Variants in SHISAL2A observed in about 807,000 individuals in gnomAD.
The protein encoded by SHISAL2A is protein shisa-like-2A.
A neutral mutation model predicts 11.5 loss-of-function variants in SHISAL2A; 18 were observed. The observed-to-expected ratio is 1.57, with a 90% CI of 1.08 to 2.33. The LOEUF (loss-of-function observed/expected upper bound fraction) is 2.33. Among genes scored for constraint, SHISAL2A ranks in the 30% most tolerant of loss-of-function variants. The pLI is 0.00. For missense variants in SHISAL2A, 261 were observed against 250.9 expected, an observed-to-expected ratio of 1.04 and a Z score of -0.27; for synonymous variants, 94 against 99.6, an observed-to-expected ratio of 0.94 and a Z score of 0.34.
intron 2 of SHISAL2A, among the ~76,000 whole-genome samples, chr1:52,643,552 T>C (rs535186022): frequency 6.6e-6 from 1 of 152,224 alleles, no homozygotes; most frequent in South Asian, 2.1e-4. Flanking sequence ...TGAAAGATAT[T>C]ATGAAAGATA....
At chr1:52,648,008 C>G (rs557933315) in intron 2 of SHISAL2A, among the ~76,000 whole-genome samples, 2 of 148,748 alleles carry the variant, frequency 1.3e-5, no homozygotes, top group Admixed American at 1.3e-4. Flanking sequence ...TGCATTGGTA[C>G]GACCACTTTA....
chr1:52,660,311 C>T (rs683661), downstream of SHISAL2A, among the ~76,000 whole-genome samples: 70,395 of 151,784 alleles, frequency 0.46, 17,141 homozygotes, highest in African/African-American at 0.59. Context: ...CTCATAAAGC[C>T]CCTCCCTGCC....
Position 52,642,926 on chromosome 1 carries a change from C to T in SHISAL2A, c.246C>T (p.Ala82=). The T allele has an allele frequency of 6.2e-7, 1 of 1,614,104 alleles. No individual in the cohort carries two copies. Among genetic ancestry groups the T allele is most frequent in the Non-Finnish European group, 8.5e-7 (1 of 1,180,008 alleles). Residue 82 remains alanine, a synonymous_variant, in exon 2 of 3, where the codon GCC becomes GCT. Coordinates refer to ENST00000517870, the MANE Select transcript of SHISAL2A (RefSeq NM_001042693.3). The part of the protein sequence containing the change: ...AVVLLAFIVT[A]CVLCYLFISS... ...TTCTTCTCGCCTTCATTGTTACCGC[C>T]TGTGTGCTCTGCTACCTGTTCATCA...
At chr1:52,646,875 G>C (rs1458460941) in intron 2 of SHISAL2A, among the ~76,000 whole-genome samples, 1 of 152,044 alleles carries the variant, frequency 6.6e-6, no homozygotes, top group Non-Finnish European at 1.5e-5. Context: ...TGTCGCCCAG[G>C]CTAGAGTGCG....
downstream of SHISAL2A, chr1:52,657,179 C>G: frequency 1.7e-6 from 2 of 1,191,402 alleles, no homozygotes; most frequent in South Asian, 1.6e-5. Flanking sequence ...GTGGACCCTG[C>G]CATACTGTTC....
At chr1:52,662,641 G>A (rs909317340) in intron 4 of SHISAL2A, among the ~76,000 whole-genome samples, 1 of 151,062 alleles carries the variant, frequency 6.6e-6, no homozygotes, top group Non-Finnish European at 1.5e-5. Context: ...GTGAGGTACC[G>A]CCCCCCCACC....
chr1:52,633,562 G>A lies in SHISAL2A; in HGVS notation c.69G>A (p.Arg23=). The change falls in exon 1 of 3, where the codon CGG becomes CGA. Residue 23 remains arginine (R), a synonymous_variant. Coordinates refer to ENST00000517870, the MANE Select transcript of SHISAL2A (RefSeq NM_001042693.3). This position sits in a 1 kb window ranked among gnomAD's most constrained non-coding sequence, Gnocchi z 6.4. ...QEVVRGFSCP[R]PGGEAAAVFC... is the part of the protein sequence containing the mutation. ...TGGTGCGCGGCTTCAGCTGCCCGCG[G>A]CCGGGGGGCGAGGCGGCCGCTGTCT... The A allele has an allele frequency of 2.5e-6, 4 of 1,610,644 alleles. No individual in the cohort carries two copies. Among genetic ancestry groups the A allele is most frequent in the Non-Finnish European group, 2.5e-6 (3 of 1,178,734 alleles).
downstream of SHISAL2A, among the ~76,000 whole-genome samples, chr1:52,657,708 A>G (rs1341545658): frequency 6.6e-6 from 1 of 152,214 alleles, no homozygotes; most frequent in East Asian, 1.9e-4. Flanking sequence ...TTTAAAAATT[A>G]GCCACATGTG....
chr1:52,633,677 T>A lies in SHISAL2A; in HGVS notation c.182+2T>A. Reference sequence around the variant, plus strand: ...GCACAGCTACATGTGGTGGCTCAGGTACCGTCCCTGGCCCTCACCCTACCT... The same window carrying A: ...GCACAGCTACATGTGGTGGCTCAGGAACCGTCCCTGGCCCTCACCCTACCT... On this transcript the variant is annotated splice_donor_variant, in intron 1 of 2. Transcript: ENST00000517870. LOFTEE classifies it high-confidence loss of function. This position sits in a 1 kb window ranked among gnomAD's most constrained non-coding sequence, Gnocchi z 6.4. 1 of 1,602,006 alleles carries A rather than the reference T, an allele frequency of 6.2e-7. No individual in the cohort carries two copies. The highest frequency in any genetic ancestry group is 8.5e-7 in the Non-Finnish European group (1 of 1,174,496).
At chr1:52,660,162 C>G (rs1001713082), downstream of SHISAL2A, among the ~76,000 whole-genome samples, 1 of 152,160 alleles carries the variant, frequency 6.6e-6, no homozygotes, top group Non-Finnish European at 1.5e-5. Flanking sequence ...AGAACAAAAA[C>G]AAGCTTTGAG....
chr1:52,634,045 AATC>A (rs1691190173), intron 1 of SHISAL2A, among the ~76,000 whole-genome samples: 1 of 151,874 alleles, frequency 6.6e-6, no homozygotes, highest in African/African-American at 2.4e-5. Context: ...ACTCCACCCC[AATC>A]ATCATCCCAC....
At chr1:52,646,492 T>TATACACACAC (rs371842968) in intron 2 of SHISAL2A, among the ~76,000 whole-genome samples, 13 of 145,254 alleles carry the variant, frequency 8.9e-5, no homozygotes, top group Admixed American at 8.3e-4. Context: ...TAAATATCTA[T>TATACACACAC]ACACACACAC....
intron 4 of SHISAL2A, among the ~76,000 whole-genome samples, chr1:52,666,227 G>A (rs1356607804): frequency 6.6e-6 from 1 of 152,088 alleles, no homozygotes; most frequent in East Asian, 1.9e-4. Flanking sequence ...TGAGACGGGG[G>A]GATCACTTGA....
intron 2 of SHISAL2A, among the ~76,000 whole-genome samples, chr1:52,652,965 C>CAA (rs36154490): frequency 0.043 from 956 of 22,406 alleles, 237 homozygotes; most frequent in African/African-American, 0.13. Context: ...GACTCTGTCT[C>CAA]AAAAAAAAAA....
At chr1:52,638,653 G>C (rs1691291141) in intron 1 of SHISAL2A, among the ~76,000 whole-genome samples, 1 of 152,164 alleles carries the variant, frequency 6.6e-6, no homozygotes. Flanking sequence ...AGCCAACAAT[G>C]GGTGTATTAC....
At chr1:52,650,289 G>A (rs1167600473) in intron 2 of SHISAL2A, among the ~76,000 whole-genome samples, 1 of 152,220 alleles carries the variant, frequency 6.6e-6, no homozygotes, top group East Asian at 1.9e-4. Context: ...GTTCAGGGTT[G>A]AGAACCCCAG....
intron 2 of SHISAL2A, 117 bp from the exon 3 acceptor site, chr1:52,656,673 C>A: frequency 9.2e-7 from 1 of 1,081,856 alleles, no homozygotes; most frequent in South Asian, 1.5e-5. Flanking sequence ...ACAAATGATG[C>A]TTCTAAGGCT....
At chr1:52,635,629 AC>A (rs1007127914) in intron 1 of SHISAL2A, among the ~76,000 whole-genome samples, 1 of 151,944 alleles carries the variant, frequency 6.6e-6, no homozygotes, top group Admixed American at 6.6e-5. Flanking sequence ...TTTAGGTTTT[AC>A]AACTCCTCCT....
chr1:52,644,889 C>T (rs987300718), intron 2 of SHISAL2A, among the ~76,000 whole-genome samples: 89 of 150,914 alleles, frequency 5.9e-4, no homozygotes, highest in Admixed American at 1.1e-3. Flanking sequence ...TGGTGGTGGG[C>T]GCCTGTAGTC....
Sources: allele counts gnomAD v4.1 joint callset (sites outside exome capture counted in the v4.1 genomes callset), GRCh38; gene constraint gnomAD v4.1.1; non-coding constraint Gnocchi (gnomAD v3.1); transcripts MANE v1.5; gene names NCBI Gene and HGNC (gene_info 2026-07-23, HGNC 2026-07-21).